RIMS2: variants seen among roughly 807,000 people sequenced by gnomAD.
RIMS2 encodes regulating synaptic membrane exocytosis protein 2.
Under a neutral mutation model 174.4 loss-of-function variants are expected in RIMS2, and 59 were observed. The observed-to-expected ratio is 0.34, with a 90% CI of 0.27 to 0.42. The LOEUF is 0.42. Among genes scored for constraint, RIMS2 ranks in the 10% least tolerant of loss-of-function variants. RIMS2 has a pLI of 1.00. For missense variants in RIMS2, 1,620 were observed against 1,666.3 expected, an observed-to-expected ratio of 0.97 and a Z score of 0.48; for synonymous variants, 606 against 572.5, an observed-to-expected ratio of 1.06 and a Z score of -0.84.
intron 19 of RIMS2, chr8:104,094,526 G>T (rs2097721171): frequency 1.4e-6 from 1 of 701,194 alleles, no homozygotes; most frequent in Non-Finnish European, 2.6e-6. Context: ...AGCATGAAGA[G>T]ATAGTTCATG....
At chr8:104,132,845 G>T (rs1283319632) in intron 19 of RIMS2, among the ~76,000 whole-genome samples, 1 of 152,152 alleles carries the variant, frequency 6.6e-6, no homozygotes, top group Non-Finnish European at 1.5e-5. Flanking sequence ...TCTGCCAGCA[G>T]TTCTCAAAAT....
At chr8:103,705,569 G>A (rs922321407) in intron 2 of RIMS2, among the ~76,000 whole-genome samples, 6 of 151,948 alleles carry the variant, frequency 3.9e-5, no homozygotes, top group East Asian at 3.9e-4. Flanking sequence ...CAATGTTATC[G>A]TATTGCAATC....
chr8:104,076,660 A>G (rs2097298320), intron 19 of RIMS2, among the ~76,000 whole-genome samples: 1 of 152,236 alleles, frequency 6.6e-6, no homozygotes, highest in East Asian at 1.9e-4. Context: ...GAGTAGTATT[A>G]AAAGTGTAGA....
intron 1 of RIMS2, among the ~76,000 whole-genome samples, chr8:103,527,610 A>T (rs574472309): frequency 6.6e-6 from 1 of 151,148 alleles, no homozygotes; most frequent in Non-Finnish European, 1.5e-5. Context: ...CTCGTTGTTC[A>T]GTTCCCACCT....
chr8:103,672,329 T>G (rs1253308158), intron 1 of RIMS2, among the ~76,000 whole-genome samples: 1 of 152,170 alleles, frequency 6.6e-6, no homozygotes. Context: ...ATTAATACAT[T>G]ATGAATTATA....
At chr8:103,768,371 C>G (rs1469781618) in intron 3 of RIMS2, 3 of 731,932 alleles carry the variant, frequency 4.1e-6, no homozygotes, top group Non-Finnish European at 7.6e-6. Flanking sequence ...TTATGAGAAG[C>G]ATATGGCCAC....
chr8:103,975,322 A>G (rs777707022), intron 15 of RIMS2, 28 bp from the exon 18 acceptor site: 15 of 1,553,634 alleles, frequency 9.7e-6, no homozygotes, highest in African/African-American at 4.1e-5. Context: ...ATACATAACT[A>G]TAATATTTAT....
chr8:103,876,909 T>TATATATATATATATATATAC (rs71297243), intron 3 of RIMS2, among the ~76,000 whole-genome samples: 1 of 66,110 alleles, frequency 1.5e-5, no homozygotes, highest in Non-Finnish European at 3.6e-5. Flanking sequence ...TATATATATA[T>TATATATATATATATATATAC]ACACACACAC....
intron 1 of RIMS2, among the ~76,000 whole-genome samples, chr8:103,502,575 C>T (rs1237614458): frequency 5.3e-5 from 8 of 152,016 alleles, no homozygotes; most frequent in Non-Finnish European, 1.2e-4. Flanking sequence ...TTTACTCTAA[C>T]TAATAGAAGA....
chr8:103,777,024 A>G (rs1317190860), intron 3 of RIMS2, among the ~76,000 whole-genome samples: 3 of 152,126 alleles, frequency 2.0e-5, no homozygotes, highest in Non-Finnish European at 4.4e-5. Flanking sequence ...TTCAACACTA[A>G]GACATTTAGA....
chr8:104,056,010 C>T (rs534046901), intron 19 of RIMS2, among the ~76,000 whole-genome samples: 1 of 152,222 alleles, frequency 6.6e-6, no homozygotes, highest in African/African-American at 2.4e-5. Context: ...AATGCAGTAC[C>T]AGGACAAATG....
At chr8:103,587,144 A>G (rs2093967457) in intron 1 of RIMS2, among the ~76,000 whole-genome samples, 1 of 152,048 alleles carries the variant, frequency 6.6e-6, no homozygotes, top group Non-Finnish European at 1.5e-5. Context: ...CAACCTACCA[A>G]GATTGAACCA....
chr8:104,029,421 T>C (rs2096337011), intron 19 of RIMS2, among the ~76,000 whole-genome samples: 1 of 152,198 alleles, frequency 6.6e-6, no homozygotes, highest in Non-Finnish European at 1.5e-5. Context: ...GCCTAGTTAA[T>C]GGCAGAGATA....
intron 1 of RIMS2, among the ~76,000 whole-genome samples, chr8:103,587,611 G>A (rs896783089): frequency 8.6e-5 from 13 of 151,928 alleles, no homozygotes; most frequent in African/African-American, 2.9e-4. Context: ...ATGGCTCAAC[G>A]TACACAAATC....
intron 2 of RIMS2, among the ~76,000 whole-genome samples, chr8:103,711,795 G>A (rs2097306734): frequency 6.6e-6 from 1 of 152,038 alleles, no homozygotes; most frequent in Non-Finnish European, 1.5e-5. Flanking sequence ...TACTTGGGAG[G>A]CTGAAGTGGG....
intron 19 of RIMS2, among the ~76,000 whole-genome samples, chr8:104,064,140 A>T (rs2097059239): frequency 1.3e-5 from 2 of 152,152 alleles, no homozygotes; most frequent in Admixed American, 6.6e-5. Flanking sequence ...ATATAACTTT[A>T]ACTTTCTGGG....
chr8:103,519,445 T>C (rs2130318557), intron 1 of RIMS2, among the ~76,000 whole-genome samples: 1 of 152,222 alleles, frequency 6.6e-6, no homozygotes, highest in South Asian at 2.1e-4. Context: ...TATGTTTCAA[T>C]ATTTCCAATG....
intron 1 of RIMS2, among the ~76,000 whole-genome samples, chr8:103,632,271 T>C (rs954873191): frequency 1.8e-4 from 28 of 152,200 alleles, no homozygotes; most frequent in Non-Finnish European, 4.0e-4. Flanking sequence ...TTGTCATAGA[T>C]GACTCTTATT....
At position 103,715,585 on chromosome 8, in the gene RIMS2, T is replaced by G. The variant is rs137928181; in HGVS notation, c.387+18289T>G. ...TATTGCATTATCACTTTCACTGTTA[T>G]CGTTACTTTATGTTAAAGAAAAGAG... On this transcript the variant is annotated intron_variant, in intron 2 of 23. Coordinates refer to ENST00000504942, the Ensembl canonical transcript of RIMS2. Among the ~76,000 whole-genome samples, 20 of 152,342 alleles carry G rather than the reference T, an allele frequency of 1.3e-4. 1 individual carries two copies. The East Asian group carries it at 3.7e-3, about 28-fold the overall frequency.
Sources: allele counts gnomAD v4.1 joint callset (sites outside exome capture counted in the v4.1 genomes callset), GRCh38; gene constraint gnomAD v4.1.1; transcripts MANE v1.5; gene names NCBI Gene and HGNC (gene_info 2026-07-23, HGNC 2026-07-21).